The following TEX9 variants were observed in gnomAD, a reference collection of about 807,000 sequenced individuals.
TEX9 encodes testis-expressed protein 9.
A neutral mutation model predicts 59.6 loss-of-function variants in TEX9; 74 were observed. That is an observed-to-expected ratio of 1.24 (90% confidence interval 1.03 to 1.51). TEX9 has a LOEUF of 1.51. Ranked by LOEUF, TEX9 falls within the 40% of genes most tolerant of loss-of-function variation. The pLI is 0.00. For missense variants in TEX9, 522 were observed against 447.8 expected, an observed-to-expected ratio of 1.17 and a Z score of -1.49; for synonymous variants, 186 against 152.2, an observed-to-expected ratio of 1.22 and a Z score of -1.64.
intron 1 of TEX9, among the ~76,000 whole-genome samples, chr15:56,330,854 C>T (rs1275860188): frequency 6.6e-6 from 1 of 151,684 alleles, no homozygotes; most frequent in Non-Finnish European, 1.5e-5. Context: ...AATAAAAAGA[C>T]ATGGAATAGC....
chr15:56,315,970 C>T (rs374130413), intron 1 of TEX9, among the ~76,000 whole-genome samples: 1 of 151,692 alleles, frequency 6.6e-6, no homozygotes, highest in African/African-American at 2.4e-5. Flanking sequence ...GCATTCTTCA[C>T]GTAGCTCTCG....
the TEX9 span, among the ~76,000 whole-genome samples, chr15:56,459,078 G>T: frequency 6.6e-6 from 1 of 152,144 alleles, no homozygotes; most frequent in African/African-American, 2.4e-5. Context: ...CACCCCAAAA[G>T]AAACCTGTAA....
At chr15:56,268,640 T>C (rs2044448686) in intron 1 of TEX9, among the ~76,000 whole-genome samples, 1 of 152,098 alleles carries the variant, frequency 6.6e-6, no homozygotes, top group African/African-American at 2.4e-5. Context: ...TTGATTTGTG[T>C]ATGTTGAACC....
intron 1 of TEX9, among the ~76,000 whole-genome samples, chr15:56,253,777 G>C (rs1380028705): frequency 6.6e-6 from 1 of 152,046 alleles, no homozygotes; most frequent in African/African-American, 2.4e-5. Flanking sequence ...GGTGGAAAAA[G>C]TGGCTAAAAA....
At chr15:56,404,242 A>G (rs1247190568) in intron 9 of TEX9, among the ~76,000 whole-genome samples, 5 of 152,210 alleles carry the variant, frequency 3.3e-5, no homozygotes, top group African/African-American at 1.2e-4. Flanking sequence ...CCATCTGACA[A>G]ACGGCTAATA....
chr15:56,370,046 G>T (rs1190497706), intron 2 of TEX9, among the ~76,000 whole-genome samples: 12 of 151,990 alleles, frequency 7.9e-5, no homozygotes, highest in African/African-American at 2.9e-4. Context: ...TTTATAACCA[G>T]TCTGATAATT....
At chr15:56,311,013 A>G (rs1413102854) in intron 1 of TEX9, among the ~76,000 whole-genome samples, 1 of 152,098 alleles carries the variant, frequency 6.6e-6, no homozygotes, top group Non-Finnish European at 1.5e-5. Flanking sequence ...CCAAGTCTAG[A>G]ACCCTTCAGA....
chr15:56,409,805 AT>A (rs1202733443), intron 9 of TEX9: 2 of 152,186 alleles, frequency 1.3e-5, no homozygotes. Context: ...CCTCCCTAAG[AT>A]TTTTACTTAA....
At chr15:56,244,669 G>A (rs1334343354) in intron 1 of TEX9, among the ~76,000 whole-genome samples, 1 of 148,716 alleles carries the variant, frequency 6.7e-6, no homozygotes, top group African/African-American at 2.5e-5. Context: ...TCAAGTCGCG[G>A]CTTGTCAGGG....
intron 1 of TEX9, among the ~76,000 whole-genome samples, chr15:56,284,473 A>G (rs2044896509): frequency 6.6e-6 from 1 of 152,038 alleles, no homozygotes; most frequent in East Asian, 1.9e-4. Flanking sequence ...ATGTGATAGC[A>G]TGTAAAAATG....
chr15:56,384,274 A>G (rs997915888), intron 4 of TEX9, among the ~76,000 whole-genome samples: 7 of 152,240 alleles, frequency 4.6e-5, no homozygotes, highest in Admixed American at 2.0e-4. Context: ...GGAAAAGTAC[A>G]TAATCGATGT....
intron 1 of TEX9, among the ~76,000 whole-genome samples, chr15:56,337,249 C>A (rs78132739): frequency 0.028 from 4,204 of 152,228 alleles, 187 homozygotes; most frequent in African/African-American, 0.095. Flanking sequence ...ACTTGCACTT[C>A]TGCTGGGCTA....
chr15:56,390,051 G>C (rs1348550363), intron 6 of TEX9, among the ~76,000 whole-genome samples: 1 of 150,044 alleles, frequency 6.7e-6, no homozygotes, highest in Non-Finnish European at 1.5e-5. Context: ...AAAAATCTTT[G>C]TTCACTTTTG....
chr15:56,436,877 C>T (rs1228212472), intron 12 of TEX9, among the ~76,000 whole-genome samples: 1 of 152,140 alleles, frequency 6.6e-6, no homozygotes, highest in African/African-American at 2.4e-5. Flanking sequence ...TTCCTGGACA[C>T]ATACACCCTC....
At chr15:56,272,640 G>A (rs1434743329) in intron 1 of TEX9, among the ~76,000 whole-genome samples, 1 of 152,154 alleles carries the variant, frequency 6.6e-6, no homozygotes. Context: ...GAGTAGAACG[G>A]CTGAGTCATG....
chr15:56,416,710 G>A (rs2049704143), intron 10 of TEX9, among the ~76,000 whole-genome samples: 1 of 151,836 alleles, frequency 6.6e-6, no homozygotes, highest in Non-Finnish European at 1.5e-5. Context: ...GTATCAAGAT[G>A]ATGCTGGCCC....
At chr15:56,399,844 G>C (rs148541930) in intron 9 of TEX9, among the ~76,000 whole-genome samples, 2 of 152,138 alleles carry the variant, frequency 1.3e-5, no homozygotes, top group African/African-American at 2.4e-5. Context: ...AGGCAAACAG[G>C]GTGTGGAGTG....
At chr15:56,401,952 T>C (rs1440698581) in intron 9 of TEX9, among the ~76,000 whole-genome samples, 1 of 152,134 alleles carries the variant, frequency 6.6e-6, no homozygotes, top group African/African-American at 2.4e-5. Context: ...AGACACAACA[T>C]ACCAGAATCT....
intron 1 of TEX9, among the ~76,000 whole-genome samples, chr15:56,267,874 G>T (rs1292188647): frequency 3.3e-5 from 5 of 152,174 alleles, no homozygotes; most frequent in African/African-American, 1.2e-4. Context: ...GAAAGTCATT[G>T]GTAGCTTGAT....
Sources: gnomAD v4.1 joint callset for allele counts (sites outside exome capture counted in the v4.1 genomes callset) on GRCh38, gnomAD v4.1.1 for gene constraint, MANE v1.5 for transcripts, NCBI Gene and HGNC (gene_info 2026-07-23, HGNC 2026-07-21) for gene names.